KIF25: variants seen among roughly 807,000 people sequenced by gnomAD.
KIF25 encodes the protein kinesin-like protein KIF25.
Under a neutral mutation model 32.9 loss-of-function variants are expected in KIF25, and 19 were observed. That is an observed-to-expected ratio of 0.58 (90% CI 0.40 to 0.85). The LOEUF is 0.85. Ranked by LOEUF, KIF25 falls within the 40% of genes least tolerant of loss-of-function variation. KIF25 has a pLI of 0.00. For synonymous variants in KIF25, 225 were observed against 213.7 expected (o/e 1.05, Z -0.46); for missense variants, 485 against 507.0 (o/e 0.96, Z 0.42).
At chr6:168,034,114 A>G (rs73260882) in intron 8 of KIF25, 83 bp downstream of exon 8, 34,628 of 1,425,916 alleles carry the variant, frequency 0.024, 1,117 homozygotes, top group African/African-American at 0.13. Context: ...CGTGGGAAAA[A>G]TTATTACCAT....
At chr6:168,013,640 G>C (rs1472165157) in intron 4 of KIF25, among the ~76,000 whole-genome samples, 1 of 151,996 alleles carries the variant, frequency 6.6e-6, no homozygotes, top group East Asian at 1.9e-4. Context: ...GGGCCTGTGA[G>C]GACTGCAGGA....
intron 4 of KIF25, among the ~76,000 whole-genome samples, chr6:168,013,315 G>A (rs578161628): frequency 6.6e-6 from 1 of 152,046 alleles, no homozygotes; most frequent in East Asian, 1.9e-4. Flanking sequence ...AGTGATGGGG[G>A]TTGGTTTCCC....
intron 6 of KIF25, 114 bp from the exon 7 acceptor site, chr6:168,030,659 G>C (rs1798928210): frequency 1.5e-6 from 1 of 680,856 alleles, no homozygotes; most frequent in Non-Finnish European, 2.6e-6. Flanking sequence ...AATCCTGATG[G>C]CGTTGGGGGG....
chr6:168,033,747 A>G (rs1441604563), intron 7 of KIF25, 135 bp from the exon 8 acceptor site: 23 of 935,770 alleles, frequency 2.5e-5, no homozygotes, highest in Non-Finnish European at 3.5e-5. Context: ...ATGAAAACCT[A>G]ATTTATAAGA....
chr6:168,007,978 C>G (rs1164555720), intron 4 of KIF25, among the ~76,000 whole-genome samples: 1 of 152,204 alleles, frequency 6.6e-6, no homozygotes, highest in Non-Finnish European at 1.5e-5. Context: ...CTGCATCACT[C>G]TTATCTTAAA....
chr6:168,026,263 A>G (rs923308414), intron 5 of KIF25, among the ~76,000 whole-genome samples: 3 of 152,126 alleles, frequency 2.0e-5, no homozygotes, highest in Admixed American at 6.5e-5. Flanking sequence ...GTTCATGCCG[A>G]CACGTGTCTT....
chr6:168,009,250 AT>A (rs35215404), intron 4 of KIF25, among the ~76,000 whole-genome samples: 30,611 of 151,730 alleles, frequency 0.2, 3,478 homozygotes, highest in East Asian at 0.3. Context: ...TCTATACCTA[AT>A]TTATTAAGAG....
chr6:168,038,842 C>A, intron 9 of KIF25, 113 bp downstream of exon 9: 2 of 1,084,208 alleles, frequency 1.8e-6, no homozygotes, highest in Non-Finnish European at 2.7e-6. Context: ...GCCCAAGGAT[C>A]CCAAGGAGAA....
chr6:168,016,066 C>T (rs1170015507), intron 4 of KIF25, among the ~76,000 whole-genome samples: 2 of 152,148 alleles, frequency 1.3e-5, no homozygotes, highest in Non-Finnish European at 2.9e-5. Flanking sequence ...GGAACGGTCC[C>T]CGAAGTGGAC....
chr6:168,027,317 G>T (rs1476841897), intron 5 of KIF25, among the ~76,000 whole-genome samples: 1 of 152,040 alleles, frequency 6.6e-6, no homozygotes, highest in African/African-American at 2.4e-5. Flanking sequence ...GCTGGACGTG[G>T]TGGCACACAC....
intron 5 of KIF25, among the ~76,000 whole-genome samples, chr6:168,024,925 C>T (rs1405876284): frequency 1.3e-5 from 2 of 152,144 alleles, no homozygotes; most frequent in Non-Finnish European, 2.9e-5. Context: ...GTGGCACACG[C>T]CTATAGTCCC....
At position 168,042,672 on chromosome 6, in the gene KIF25, C is replaced by T. The variant is rs368749020; in HGVS notation, c.941C>T (p.Pro314Leu). The change falls in exon 12 of 13, where the codon CCG (proline) becomes CTG (leucine). Residue 314 changes from proline (P) to leucine (L), a missense_variant. Pro to Leu is a moderately conservative substitution (Grantham distance 98, BLOSUM62 -3). This residue lies in a region of KIF25 where 480 missense variants were observed against 470.3 expected (regional missense o/e 1.02). Transcript: ENST00000643607. ...GALLEHRGHAPYRNSRLTHLL... is the reference protein window; with the variant it reads ...GALLEHRGHALYRNSRLTHLL... ...TTGTTGGAGCACCGTGGCCATGCCCCGTACCGGAACAGCAGGCTCACCCAC... is the reference window on the plus strand; with the variant it reads ...TTGTTGGAGCACCGTGGCCATGCCCTGTACCGGAACAGCAGGCTCACCCAC... 52 of 1,613,484 alleles carry T rather than the reference C, an allele frequency of 3.2e-5. No individual in the cohort carries two copies. The South Asian group carries it at 3.5e-4, about 11-fold the overall frequency.
Position 168,038,664 on chromosome 6 carries a change from G to A in KIF25, c.429G>A (p.Ser143=), listed in dbSNP as rs775814771. The part of the protein sequence containing the change: ...LLAKDSIAAV[S]GVKREVVTAK... ...CCAAAGACAGCATTGCAGCAGTGTC[G>A]GGGGTCAAGCGTGAGGTGGTGACAG... The change falls in exon 9 of 13, where the codon TCG becomes TCA. Residue 143 remains serine, a synonymous_variant. Transcript: ENST00000643607. 100 of 1,614,164 alleles carry A rather than the reference G, an allele frequency of 6.2e-5. 1 individual carries two copies. The East Asian group carries it at 7.8e-4, about 13-fold the overall frequency.
chr6:168,034,805 A>G (rs1418601832), intron 8 of KIF25, among the ~76,000 whole-genome samples: 1 of 152,192 alleles, frequency 6.6e-6, no homozygotes, highest in Non-Finnish European at 1.5e-5. Flanking sequence ...AAAGAGACCC[A>G]CTGCCCGTGT....
chr6:168,037,059 C>T (rs537301413), intron 8 of KIF25, among the ~76,000 whole-genome samples: 1 of 152,252 alleles, frequency 6.6e-6, no homozygotes, highest in Non-Finnish European at 1.5e-5. Context: ...GAGACTTTGT[C>T]TCAGATAAAT....
chr6:168,027,825 A>T (rs1798885040), intron 5 of KIF25, among the ~76,000 whole-genome samples: 1 of 152,184 alleles, frequency 6.6e-6, no homozygotes, highest in South Asian at 2.1e-4. Context: ...TGTGCTTCTG[A>T]CATTCGCATC....
chr6:168,016,005 C>T (rs1217301628), intron 4 of KIF25, among the ~76,000 whole-genome samples: 1 of 152,174 alleles, frequency 6.6e-6, no homozygotes, highest in East Asian at 1.9e-4. Context: ...GTGTGTGTTC[C>T]TGTACGGTTC....
At chr6:168,020,191 A>G (rs1461235737) in intron 5 of KIF25, among the ~76,000 whole-genome samples, 1 of 152,176 alleles carries the variant, frequency 6.6e-6, no homozygotes, top group African/African-American at 2.4e-5. Flanking sequence ...ACCAGAGTGA[A>G]AAGACACGTT....
intron 8 of KIF25, among the ~76,000 whole-genome samples, chr6:168,035,419 C>T (rs1344757063): frequency 2.4e-3 from 4 of 1,670 alleles, no homozygotes; most frequent in Admixed American, 0.011. Context: ...AAAGGGATGC[C>T]GGGGCTGGAA....
Sources: gnomAD v4.1 joint callset for allele counts (sites outside exome capture counted in the v4.1 genomes callset) on GRCh38, gnomAD v4.1.1 for gene constraint, gnomAD v4.1.1 regional missense constraint, MANE v1.5 for transcripts, NCBI Gene and HGNC (gene_info 2026-07-23, HGNC 2026-07-21) for gene names.